The following RAB26 variants were observed in gnomAD, a reference collection of about 807,000 sequenced individuals.
RAB26 encodes ras-related protein Rab-26.
A neutral mutation model predicts 33.1 loss-of-function variants in RAB26; 39 were observed. The ratio of observed to expected loss-of-function variants is 1.18; its 90% CI spans 0.91 to 1.54. The LOEUF is 1.54. RAB26 is among the 40% of genes most tolerant of loss of function. The probability of loss-of-function intolerance (pLI) is 0.00; values close to 1 mark genes in which losing one functional copy is unlikely to be tolerated. For synonymous variants in RAB26, 192 were observed against 151.9 expected (o/e 1.26, Z -1.94); for missense variants, 468 against 362.9 (o/e 1.29, Z -2.35).
chr16:2,148,918 C>A lies in RAB26; in HGVS notation c.135C>A (p.Pro45=). The change falls in exon 1 of 9, where the codon CCC becomes CCA. Residue 45 remains proline, a synonymous_variant. Coordinates refer to ENST00000210187, the MANE Select transcript of RAB26 (RefSeq NM_014353.5). ...LSGPDAPPNG[P]LQPGRPSLGG... is the part of the protein sequence containing the mutation. Reference sequence around the variant, plus strand: ...GCCCCGACGCGCCGCCCAACGGGCCCTTGCAGCCCGGCCGGCCCTCGCTTG... The same window carrying A: ...GCCCCGACGCGCCGCCCAACGGGCCATTGCAGCCCGGCCGGCCCTCGCTTG... 1.5e-6 allele frequency: 2 copies of A among 1,309,466 alleles called. No homozygotes were observed. The highest frequency in any genetic ancestry group is 3.1e-5 in the African/African-American group (2 of 65,188). The allele number at this position is 1,309,466 out of a possible 1,614,324, so 81.1% of individuals were successfully genotyped here. A position where few individuals can be genotyped will look rare whatever the true frequency, so the allele number is the denominator to read the frequency against.
chr16:2,151,522 G>A, intron 2 of RAB26, 47 bp from the exon 3 acceptor site: 1 of 1,612,472 alleles, frequency 6.2e-7, no homozygotes, highest in Non-Finnish European at 8.5e-7. Flanking sequence ...TGGGACCAGA[G>A]GCTGGGCTGG....
intron 5 of RAB26, 126 bp from the exon 6 acceptor site, chr16:2,152,693 CA>C (rs58347017): frequency 0.099 from 33,820 of 341,602 alleles, 58 homozygotes; most frequent in African/African-American, 0.12. Flanking sequence ...ACTCTTGTCT[CA>C]AAAAAAAAAA....
chr16:2,152,709 AAAAAAAAGAT>A, intron 5 of RAB26, 101 bp from the exon 6 acceptor site: 1 of 809,740 alleles, frequency 1.2e-6, no homozygotes, highest in Non-Finnish European at 1.8e-6. Flanking sequence ...AAAAAAAAAA[AAAAAAAAGAT>A]AAAGACAGGT....
Position 2,152,889 on chromosome 16 carries a change from G to A in RAB26, c.534+4G>A. On this transcript the variant is annotated splice_donor_region_variant and intron_variant, in intron 6 of 8. Coordinates refer to ENST00000210187, the MANE Select transcript of RAB26 (RefSeq NM_014353.5). The stretch of plus-strand genomic sequence containing the variant: ...GCTCATGCTGCTGGGGAACAAGGTG[G>A]GAGGCCCGGCTGTCCTCACCTGGGC... The A allele has an allele frequency of 1.9e-6, 3 of 1,604,122 alleles. No individual in the cohort carries two copies. The highest frequency in any genetic ancestry group is 2.6e-6 in the Non-Finnish European group (3 of 1,174,974).
Position 2,152,848 on chromosome 16 carries a change from C to A in RAB26, c.497C>A (p.Ala166Asp). 6.2e-7 allele frequency: 1 copy of A among 1,607,990 alleles called. No individual in the cohort carries two copies. Among genetic ancestry groups the A allele is most frequent in the Non-Finnish European group, 8.5e-7 (1 of 1,177,938 alleles). ...QAWLTEIHEYAQHDVALMLLG... is the reference protein window; with the variant it reads ...QAWLTEIHEYDQHDVALMLLG... ...TGGCTGACCGAGATCCACGAGTACGCCCAGCACGACGTGGCGCTCATGCTG... is the reference window on the plus strand; with the variant it reads ...TGGCTGACCGAGATCCACGAGTACGACCAGCACGACGTGGCGCTCATGCTG... Residue 166 changes from alanine (A) to aspartate (D), a missense_variant, in exon 6 of 9, where the codon GCC (alanine) becomes GAC (aspartate). Coordinates refer to ENST00000210187, the MANE Select transcript of RAB26 (RefSeq NM_014353.5).
chr16:2,148,730 G>C lies in RAB26; in HGVS notation c.-54G>C, dbSNP rs2092994370. ...TCGGGCTCGGCGGGCGCGGGGTGCG[G>C]GACGGCCCAGGGCACGGCGGCTGCA... is the stretch of plus-strand genomic sequence containing the variant. On this transcript the variant is annotated 5_prime_UTR_variant, in exon 1 of 9. Coordinates refer to ENST00000210187, the MANE Select transcript of RAB26 (RefSeq NM_014353.5). The C allele has an allele frequency of 8.2e-7, 1 of 1,225,820 alleles. No homozygotes were observed. Among genetic ancestry groups the C allele is most frequent in the Non-Finnish European group, 1.0e-6 (1 of 983,832 alleles). The allele number at this position is 1,225,820 out of a possible 1,614,324, so 75.9% of individuals were successfully genotyped here.
At position 2,151,862 on chromosome 16, in the gene RAB26, T is replaced by C; in HGVS notation, c.422T>C (p.Leu141Pro). The part of the protein sequence containing the change: ...HAYYRDAHAL[L>P]LLYDVTNKAS... ...CACTGCCCTCTGTCCCCAGCTCTGC[T>C]GCTGCTCTACGATGTCACCAACAAG... is the stretch of plus-strand genomic sequence containing the variant. The change falls in exon 5 of 9, where the codon CTG becomes CCG. Residue 141 changes from leucine (L) to proline (P), a missense_variant. Transcript: ENST00000210187. The C allele has an allele frequency of 1.9e-6, 3 of 1,614,160 alleles. No individual in the cohort carries two copies. Among genetic ancestry groups the C allele is most frequent in the Middle Eastern group, 1.6e-4 (1 of 6,062 alleles).
chr16:2,149,824 G>T, intron 1 of RAB26, 117 bp from the exon 2 acceptor site: 1 of 717,746 alleles, frequency 1.4e-6, no homozygotes, highest in East Asian at 3.3e-5. Context: ...CCCTGGCCCC[G>T]CTGAGCCTGC....
In RAB26 at chr16:2,151,571, C is replaced by G. The variant is rs2093005073; in HGVS notation, c.309C>G (p.Asn103Lys). 1 of 1,613,774 alleles carries G rather than the reference C, an allele frequency of 6.2e-7. No homozygotes were observed. The highest frequency in any genetic ancestry group is 8.5e-7 in the Non-Finnish European group (1 of 1,180,036). ...FISTVGIDFR[N>K]KVLDVDGVKV... is the part of the protein sequence containing the mutation. ...CTGCCTGGTTCTGTCTGTTTCAGAACAAAGTTCTGGACGTGGATGGTGTGA... is the reference window on the plus strand; with the variant it reads ...CTGCCTGGTTCTGTCTGTTTCAGAAGAAAGTTCTGGACGTGGATGGTGTGA... The change falls in exon 3 of 9, where the codon AAC (asparagine) becomes AAG (lysine). Residue 103 changes from asparagine (N) to lysine (K), a missense_variant and splice_region_variant. By Grantham distance (94) the Asn-to-Lys change is moderately conservative (BLOSUM62 0). Coordinates refer to ENST00000210187, the MANE Select transcript of RAB26 (RefSeq NM_014353.5).
intron 1 of RAB26, 60 bp downstream of exon 1, chr16:2,149,038 G>A: frequency 8.0e-7 from 1 of 1,252,462 alleles, no homozygotes; most frequent in Non-Finnish European, 1.0e-6. Flanking sequence ...CTGAGCCAAG[G>A]GTTGGGGGTC....
Position 2,153,546 on chromosome 16 carries a change from C to A in RAB26, c.*125C>A. On this transcript the variant is annotated 3_prime_UTR_variant, in exon 9 of 9. Coordinates refer to ENST00000210187, the MANE Select transcript of RAB26 (RefSeq NM_014353.5). Reference sequence around the variant, plus strand: ...GCCCGAGTGTCTGTTTTCAGGAGCCCCAGGTCAAGCCTTGTCCCTTCCTCC... The same window carrying A: ...GCCCGAGTGTCTGTTTTCAGGAGCCACAGGTCAAGCCTTGTCCCTTCCTCC... The A allele has an allele frequency of 1.2e-6, 1 of 844,352 alleles. No homozygotes were observed. Among genetic ancestry groups the A allele is most frequent in the Non-Finnish European group, 1.9e-6 (1 of 535,248 alleles). 52.3% of individuals were successfully genotyped at this position (844,352 alleles called of 1,614,324 possible).
chr16:2,153,278 A>G (rs775274406), intron 8 of RAB26, 41 bp from the exon 9 acceptor site: 1 of 1,612,714 alleles, frequency 6.2e-7, no homozygotes, highest in South Asian at 1.1e-5. Context: ...TCCTCATTAG[A>G]GTCCAGGCCA....
rs778359475 is a variant in RAB26 at position 2,151,908 on chromosome 16, G to C, written c.468G>C (p.Gln156His). 4 of 1,614,026 alleles carry C rather than the reference G, an allele frequency of 2.5e-6. No homozygotes were observed. The highest frequency in any genetic ancestry group is 3.4e-6 in the Non-Finnish European group (4 of 1,180,042). ...ACAAGGCCTCCTTTGACAACATCCA[G>C]GTCAGTGGCTTTCCTGGTGGGGTGA... ...VTNKASFDNI[Q>H]AWLTEIHEYA... The change falls in exon 5 of 9, where the codon CAG becomes CAC. Residue 156 changes from glutamine to histidine, a missense_variant and splice_region_variant. Physicochemically the swap from Gln to His is conservative, Grantham distance 24. Transcript: ENST00000210187.
intron 2 of RAB26, chr16:2,151,279 G>A (rs1053685077): frequency 1.0e-5 from 6 of 575,270 alleles, no homozygotes; most frequent in African/African-American, 1.9e-5. Context: ...GTTAGTTACT[G>A]CACCCATTTG....
At chr16:2,152,161 A>G (rs1165513074) in intron 5 of RAB26, among the ~76,000 whole-genome samples, 1 of 152,220 alleles carries the variant, frequency 6.6e-6, no homozygotes, top group Non-Finnish European at 1.5e-5. Context: ...ACTTCTAAAG[A>G]CAGGTATCCT....
chr16:2,154,131 G>T lies in RAB26; in HGVS notation c.*710G>T. On this transcript the variant is annotated 3_prime_UTR_variant, in exon 9 of 9. Coordinates refer to ENST00000210187, the MANE Select transcript of RAB26 (RefSeq NM_014353.5). ...TTTCAGTCCTAGTGAATAAAGTTGT[G>T]TTTTCTGGAGCGTCTGTCTCATCTG... 3.5e-6 allele frequency: 1 copy of T among 287,092 alleles called. No homozygotes were observed. The highest frequency in any genetic ancestry group is 3.0e-5 in the South Asian group (1 of 33,816). 17.8% of individuals were successfully genotyped at this position (287,092 alleles called of 1,614,324 possible).
chr16:2,153,332 C>T lies in RAB26; in HGVS notation c.682C>T (p.Arg228Cys), dbSNP rs1222647757. Residue 228 changes from arginine (R) to cysteine (C), a missense_variant, in exon 9 of 9, where the codon CGC (arginine) becomes TGC (cysteine). Transcript: ENST00000210187. Reference protein sequence around the residue: ...FTAIAKELKQRSMKAPSEPRF... With the variant: ...FTAIAKELKQCSMKAPSEPRF... ...CCCACTCCGCAGGGAGTTGAAGCAG[C>T]GCTCCATGAAGGCTCCCAGCGAGCC... is the stretch of plus-strand genomic sequence containing the variant. 2.4e-5 allele frequency: 39 copies of T among 1,613,410 alleles called. No individual in the cohort carries two copies. Among genetic ancestry groups the T allele is most frequent in the African/African-American group, 4.0e-5 (3 of 74,950 alleles).
Position 2,149,954 on chromosome 16 carries a change from G to A in RAB26, c.209G>A (p.Gly70Glu). 1.3e-6 allele frequency: 2 copies of A among 1,536,720 alleles called. No individual in the cohort carries two copies. Among genetic ancestry groups the A allele is most frequent in the African/African-American group, 1.4e-5 (1 of 72,252 alleles). The part of the protein sequence containing the change: ...YDVAFKVMLV[G>E]DSGVGKTCLL... ...TGCTTGTCCTAGGTCATGCTGGTGG[G>A]GGACTCGGGTGTGGGGAAGACCTGT... Residue 70 changes from glycine to glutamate, a missense_variant, in exon 2 of 9, where the codon GGG (glycine) becomes GAG (glutamate). Physicochemically the swap from Gly to Glu is moderately conservative, Grantham distance 98 (BLOSUM62 -2). Transcript: ENST00000210187.
intron 2 of RAB26, among the ~76,000 whole-genome samples, chr16:2,150,876 G>C (rs894741343): frequency 3.3e-5 from 5 of 152,226 alleles, no homozygotes; most frequent in Admixed American, 1.3e-4. Flanking sequence ...AGGAGCTCAG[G>C]CTGAAGGAGG....
Sources: allele counts gnomAD v4.1 joint callset (sites outside exome capture counted in the v4.1 genomes callset), GRCh38; gene constraint gnomAD v4.1.1; transcripts MANE v1.5; gene names NCBI Gene and HGNC (gene_info 2026-07-23, HGNC 2026-07-21).